Variants in TENM3 observed in about 807,000 individuals in gnomAD.
TENM3 encodes the protein teneurin-3.
TENM3 carries 63 observed loss-of-function variants against 255.1 expected under a neutral mutation model. That is an observed-to-expected ratio of 0.25 (90% CI 0.20 to 0.30). The LOEUF is 0.30. Among genes scored for constraint, TENM3 ranks in the 10% least tolerant of loss-of-function variants. The probability of loss-of-function intolerance (pLI) is 1.00; values close to 1 mark genes in which losing one functional copy is unlikely to be tolerated. For synonymous variants in TENM3, 1,306 were observed against 1,322.3 expected, an observed-to-expected ratio of 0.99 and a Z score of 0.27; for missense variants, 2,929 against 3,461.1, an observed-to-expected ratio of 0.85 and a Z score of 3.86.
intron 3 of TENM3, among the ~76,000 whole-genome samples, chr4:182,563,102 T>C (rs1321514900): frequency 6.6e-6 from 1 of 152,152 alleles, no homozygotes; most frequent in Non-Finnish European, 1.5e-5. Context: ...GTTACTCTGG[T>C]ACACTGGGTT....
At chr4:181,904,012 C>T in the TENM3 span, among the ~76,000 whole-genome samples, 1 of 152,160 alleles carries the variant, frequency 6.6e-6, no homozygotes, top group African/African-American at 2.4e-5. Flanking sequence ...GTGTATCTAA[C>T]TGTCCATTCA....
At chr4:181,772,295 T>A in the TENM3 span, among the ~76,000 whole-genome samples, 1 of 152,006 alleles carries the variant, frequency 6.6e-6, no homozygotes, top group Non-Finnish European at 1.5e-5. Context: ...GGAGAATTGC[T>A]TGAACCCGGG....
chr4:181,851,514 C>G, the TENM3 span, among the ~76,000 whole-genome samples: 1 of 152,128 alleles, frequency 6.6e-6, no homozygotes, highest in Admixed American at 6.5e-5. Flanking sequence ...AGGGTAGATA[C>G]GAGCCCTCCT....
chr4:182,629,025 C>T, intron 5 of TENM3, 136 bp downstream of exon 5: 2 of 635,336 alleles, frequency 3.1e-6, no homozygotes, highest in Non-Finnish European at 5.4e-6. Context: ...AATAATGTAT[C>T]ATAAATCACA....
chr4:182,157,955 T>C (rs1223286976), intron 1 of TENM3, among the ~76,000 whole-genome samples: 2 of 152,250 alleles, frequency 1.3e-5, no homozygotes, highest in Non-Finnish European at 2.9e-5. Context: ...TTAAAATATG[T>C]AGTTCTCTTT....
At chr4:182,772,656 G>T (rs1671259688) in intron 22 of TENM3, 1 of 150,504 alleles carries the variant, frequency 6.6e-6, no homozygotes, top group Non-Finnish European at 1.5e-5. Flanking sequence ...GTCAAATGTT[G>T]TATCTATGAT....
the TENM3 span, among the ~76,000 whole-genome samples, chr4:181,809,625 C>T: frequency 2.0e-5 from 3 of 152,088 alleles, no homozygotes; most frequent in Non-Finnish European, 2.9e-5. Context: ...TGTGGAAGGC[C>T]GAATGATGAC....
At chr4:181,449,542 C>T in the TENM3 span, among the ~76,000 whole-genome samples, 12,275 of 152,126 alleles carry the variant, frequency 0.081, 647 homozygotes, top group Middle Eastern at 0.2. Flanking sequence ...CCAACACTTT[C>T]GGAGACCGAG....
intron 6 of TENM3, among the ~76,000 whole-genome samples, chr4:182,671,358 GCCTCAA>G (rs1390063241): frequency 1.3e-5 from 2 of 152,156 alleles, no homozygotes; most frequent in Non-Finnish European, 2.9e-5. Flanking sequence ...TCTCTGCTGA[GCCTCAA>G]CCTAACACCT....
chr4:182,575,801 G>T (rs1416801211), intron 3 of TENM3, among the ~76,000 whole-genome samples: 11 of 152,204 alleles, frequency 7.2e-5, no homozygotes, highest in African/African-American at 2.4e-4. Flanking sequence ...ATATAATACT[G>T]TATTAAAGGA....
chr4:182,001,340 A>G, the TENM3 span, among the ~76,000 whole-genome samples: 1 of 152,096 alleles, frequency 6.6e-6, no homozygotes, highest in Non-Finnish European at 1.5e-5. Context: ...TTGTCTTGGC[A>G]TAAAAAGAAG....
At chr4:182,032,788 T>C in the TENM3 span, among the ~76,000 whole-genome samples, 1 of 152,188 alleles carries the variant, frequency 6.6e-6, no homozygotes, top group Non-Finnish European at 1.5e-5. Flanking sequence ...GGGAGGTGTA[T>C]GTGTCCATGA....
chr4:181,963,364 ACT>A, the TENM3 span, among the ~76,000 whole-genome samples: 1 of 151,214 alleles, frequency 6.6e-6, no homozygotes, highest in African/African-American at 2.4e-5. Context: ...TCATTCTTTC[ACT>A]CTCTTTTTGT....
intron 3 of TENM3, among the ~76,000 whole-genome samples, chr4:182,526,762 C>T (rs373759393): frequency 5.3e-5 from 8 of 152,280 alleles, no homozygotes; most frequent in African/African-American, 7.2e-5. Context: ...TACTTGCTAA[C>T]GGATTTAGCA....
chr4:181,495,624 G>C, the TENM3 span, among the ~76,000 whole-genome samples: 1 of 151,990 alleles, frequency 6.6e-6, no homozygotes, highest in East Asian at 1.9e-4. Flanking sequence ...AATGGTGTAT[G>C]ACGACGACAC....
chr4:181,458,238 T>A, the TENM3 span, among the ~76,000 whole-genome samples: 3 of 151,960 alleles, frequency 2.0e-5, no homozygotes, highest in African/African-American at 7.2e-5. Flanking sequence ...TACTATGTCT[T>A]AAATTGTTTT....
chr4:181,617,087 A>T, the TENM3 span, among the ~76,000 whole-genome samples: 3 of 152,176 alleles, frequency 2.0e-5, no homozygotes, highest in African/African-American at 7.2e-5. Flanking sequence ...ACTATCACAC[A>T]CACTAATGCA....
At chr4:182,134,067 A>G in the TENM3 span, among the ~76,000 whole-genome samples, 1 of 151,758 alleles carries the variant, frequency 6.6e-6, no homozygotes, top group South Asian at 2.1e-4. Flanking sequence ...TTAGAAAATC[A>G]TTGGTCCAGG....
chr4:182,046,148 T>A, the TENM3 span, among the ~76,000 whole-genome samples: 20 of 152,180 alleles, frequency 1.3e-4, no homozygotes, highest in Admixed American at 2.0e-4. Context: ...GCTTTCAGTT[T>A]TCTAATCAGT....
Sources: gnomAD v4.1 joint callset for allele counts (sites outside exome capture counted in the v4.1 genomes callset) on GRCh38, gnomAD v4.1.1 for gene constraint, MANE v1.5 for transcripts, NCBI Gene and HGNC (gene_info 2026-07-23, HGNC 2026-07-21) for gene names.